The following EXOC4 variants were observed in gnomAD, a reference collection of about 807,000 sequenced individuals.
The protein encoded by EXOC4 is exocyst complex component 4.
EXOC4 carries 71 observed loss-of-function variants against 107.2 expected under a neutral mutation model. That is an observed-to-expected ratio of 0.66 (90% CI 0.55 to 0.81). The LOEUF (loss-of-function observed/expected upper bound fraction) is 0.81, where lower values mean the gene tolerates loss of function less well. EXOC4 is among the 30% of genes least tolerant of loss of function. EXOC4 has a pLI of 0.00. For synonymous variants in EXOC4, 456 were observed against 441.2 expected, an observed-to-expected ratio of 1.03 and a Z score of -0.42; for missense variants, 1,108 against 1,189.6, an observed-to-expected ratio of 0.93 and a Z score of 1.01.
intron 9 of EXOC4, among the ~76,000 whole-genome samples, chr7:133,611,699 C>T (rs1285995311): frequency 6.6e-6 from 1 of 152,116 alleles, no homozygotes; most frequent in Non-Finnish European, 1.5e-5. Flanking sequence ...AGACTAACTC[C>T]TACCCATTCT....
chr7:133,556,989 A>G (rs1407780606), intron 9 of EXOC4, among the ~76,000 whole-genome samples: 1 of 152,142 alleles, frequency 6.6e-6, no homozygotes, highest in Non-Finnish European at 1.5e-5. Context: ...TAAGTCAGAG[A>G]AAGAAGATGT....
chr7:133,673,892 A>G (rs771844031), intron 10 of EXOC4, among the ~76,000 whole-genome samples: 2 of 152,222 alleles, frequency 1.3e-5, no homozygotes, highest in Non-Finnish European at 2.9e-5. Context: ...GACAAAGAAC[A>G]TGCATCCTCA....
intron 9 of EXOC4, among the ~76,000 whole-genome samples, chr7:133,616,471 A>G (rs923078120): frequency 6.6e-6 from 1 of 152,090 alleles, no homozygotes; most frequent in East Asian, 1.9e-4. Flanking sequence ...ATATTTTTGA[A>G]AACCATTGAT....
chr7:133,875,183 G>A (rs1287168126), intron 11 of EXOC4, among the ~76,000 whole-genome samples: 2 of 152,176 alleles, frequency 1.3e-5, no homozygotes, highest in African/African-American at 4.8e-5. Flanking sequence ...TTAAGTGTGA[G>A]ACTTGTGATA....
the EXOC4 span, among the ~76,000 whole-genome samples, chr7:134,093,237 GCAAAA>G: frequency 2.0e-5 from 3 of 151,974 alleles, no homozygotes; most frequent in African/African-American, 4.8e-5. Flanking sequence ...GATCTGCCAT[GCAAAA>G]CAAAACAAAA....
intron 1 of EXOC4, among the ~76,000 whole-genome samples, chr7:133,256,798 G>A (rs983804549): frequency 3.9e-5 from 6 of 152,114 alleles, no homozygotes; most frequent in African/African-American, 1.4e-4. Flanking sequence ...AGGTGGATAA[G>A]GGTTTGACTT....
chr7:133,945,279 A>C (rs1585267925), intron 14 of EXOC4, among the ~76,000 whole-genome samples: 1 of 152,356 alleles, frequency 6.6e-6, no homozygotes, highest in South Asian at 2.1e-4. Flanking sequence ...CAATTTTAAC[A>C]AACAACCAAG....
intron 10 of EXOC4, among the ~76,000 whole-genome samples, chr7:133,816,694 G>A (rs1210401782): frequency 2.0e-5 from 3 of 152,126 alleles, no homozygotes; most frequent in South Asian, 2.1e-4. Context: ...AGATGGTTTC[G>A]GAATGAAATT....
chr7:133,765,473 C>CT (rs1284871320), intron 10 of EXOC4, among the ~76,000 whole-genome samples: 3 of 151,992 alleles, frequency 2.0e-5, no homozygotes, highest in Non-Finnish European at 4.4e-5. Flanking sequence ...ATTGAAAGCT[C>CT]TATGTGTGTC....
Position 133,456,447 on chromosome 7 carries a change from G to A in EXOC4, c.1183-18881G>A, listed in dbSNP as rs766869509. ...ACACTACCATAATTCACATTCATGC[G>A]ATCATATCATTGAATTGGCTTAGGA... On this transcript the variant is annotated intron_variant, in intron 7 of 17. Transcript: ENST00000253861. Among the ~76,000 whole-genome samples, 93 of 152,290 alleles carry A rather than the reference G, an allele frequency of 6.1e-4. 1 individual carries two copies. The highest frequency in any genetic ancestry group is 9.8e-4 in the Non-Finnish European group (67 of 68,022).
chr7:133,928,546 A>G (rs1466840927), intron 13 of EXOC4, among the ~76,000 whole-genome samples: 3 of 152,004 alleles, frequency 2.0e-5, no homozygotes, highest in African/African-American at 7.3e-5. Flanking sequence ...CACCTTTGCC[A>G]TCAAGATTCA....
intron 7 of EXOC4, among the ~76,000 whole-genome samples, chr7:133,412,278 G>T (rs1301221124): frequency 1.2e-3 from 86 of 71,470 alleles, no homozygotes; most frequent in East Asian, 3.7e-3. Flanking sequence ...TCAGAATTCA[G>T]TTTTTTTTTT....
At chr7:133,297,593 C>T (rs1374279492) in intron 3 of EXOC4, among the ~76,000 whole-genome samples, 1 of 152,056 alleles carries the variant, frequency 6.6e-6, no homozygotes, top group African/African-American at 2.4e-5. Context: ...AACAGATAAA[C>T]AGATACTTAC....
intron 9 of EXOC4, among the ~76,000 whole-genome samples, chr7:133,577,808 T>C (rs1195933726): frequency 2.6e-5 from 4 of 152,218 alleles, no homozygotes; most frequent in Non-Finnish European, 5.9e-5. Context: ...ACTGAGTGAA[T>C]GAAGCTGGTA....
chr7:133,568,741 G>C (rs894722668), intron 9 of EXOC4, among the ~76,000 whole-genome samples: 1 of 152,084 alleles, frequency 6.6e-6, no homozygotes, highest in Non-Finnish European at 1.5e-5. Flanking sequence ...AGAGATGTTT[G>C]GGAATGCATA....
At chr7:133,839,370 T>A (rs1797980811) in intron 11 of EXOC4, among the ~76,000 whole-genome samples, 1 of 152,232 alleles carries the variant, frequency 6.6e-6, no homozygotes, top group South Asian at 2.1e-4. Flanking sequence ...AAAATGATTT[T>A]AAATGTTTTT....
At chr7:133,747,625 A>G (rs990967001) in intron 10 of EXOC4, among the ~76,000 whole-genome samples, 1 of 152,192 alleles carries the variant, frequency 6.6e-6, no homozygotes, top group Non-Finnish European at 1.5e-5. Context: ...ATGCGTGTAC[A>G]TTGAAGTGTA....
intron 17 of EXOC4, among the ~76,000 whole-genome samples, chr7:134,019,715 G>C (rs914712088): frequency 1.3e-5 from 2 of 152,132 alleles, no homozygotes; most frequent in African/African-American, 4.8e-5. Context: ...GTGAAGTAAG[G>C]CTACCATTTT....
At chr7:133,471,458 A>C (rs1798876788) in intron 7 of EXOC4, among the ~76,000 whole-genome samples, 1 of 152,220 alleles carries the variant, frequency 6.6e-6, no homozygotes. Context: ...ATCAAAATAA[A>C]ACTTTACCTA....
Sources: allele counts gnomAD v4.1 joint callset (sites outside exome capture counted in the v4.1 genomes callset), GRCh38; gene constraint gnomAD v4.1.1; transcripts MANE v1.5; gene names NCBI Gene and HGNC (gene_info 2026-07-23, HGNC 2026-07-21).